ARID2: variants seen among roughly 807,000 people sequenced by gnomAD.
ARID2 encodes the protein AT-rich interactive domain-containing protein 2.
In ARID2, 32 loss-of-function variants were observed where a neutral mutation model predicts 184.6. The observed-to-expected ratio is 0.17, with a 90% confidence interval of 0.13 to 0.23. The LOEUF (loss-of-function observed/expected upper bound fraction) is 0.23, where lower values mean the gene tolerates loss of function less well. ARID2 is among the 10% of genes least tolerant of loss of function. ARID2 has a pLI of 1.00. For synonymous variants in ARID2, 836 were observed against 772.6 expected (o/e 1.08, Z -1.36); for missense variants, 1,696 against 2,197.6 (o/e 0.77, Z 4.56).
intron 3 of ARID2, among the ~76,000 whole-genome samples, chr12:45,775,888 A>AACCTTTCGAAGAATGTT (rs1294584321): frequency 6.6e-6 from 1 of 152,238 alleles, no homozygotes; most frequent in East Asian, 1.9e-4. Flanking sequence ...TGGTAAACTT[A>AACCTTTCGAAGAATGTT]ACCTTTCGAA....
At chr12:45,854,651 A>G (rs1164803169) in intron 15 of ARID2, among the ~76,000 whole-genome samples, 6 of 152,306 alleles carry the variant, frequency 3.9e-5, no homozygotes, top group Non-Finnish European at 5.9e-5. Context: ...ACAATCCTAA[A>G]TAGTTATAAC....
chr12:45,804,804 G>T (rs1227558867), intron 3 of ARID2, among the ~76,000 whole-genome samples: 1 of 151,880 alleles, frequency 6.6e-6, no homozygotes, highest in African/African-American at 2.4e-5. Context: ...CTGTAGAATG[G>T]CAGACTTTAG....
At chr12:45,767,918 G>A (rs1307528756) in intron 3 of ARID2, among the ~76,000 whole-genome samples, 1 of 152,202 alleles carries the variant, frequency 6.6e-6, no homozygotes, top group Non-Finnish European at 1.5e-5. Flanking sequence ...GACAGCATGA[G>A]TCTTTCTGTA....
At chr12:45,821,996 A>G (rs540448559) in intron 6 of ARID2, among the ~76,000 whole-genome samples, 3 of 152,316 alleles carry the variant, frequency 2.0e-5, no homozygotes, top group Non-Finnish European at 4.4e-5. Flanking sequence ...CTCACTTAAC[A>G]CTTGTCTAAC....
Position 45,860,904 on chromosome 12 carries a change from G to A in ARID2, c.4877G>A (p.Arg1626Lys), listed in dbSNP as rs770531021. 6.2e-6 allele frequency: 10 copies of A among 1,601,970 alleles called. No individual in the cohort carries two copies. The Admixed American group carries it at 1.2e-4, about 19-fold the overall frequency. The change falls in exon 16 of 21, where the codon AGA becomes AAA. Residue 1626 changes from arginine to lysine, a missense_variant. By Grantham distance (26) the Arg-to-Lys change is conservative. Around this residue, in one of 11 missense-constraint regions of ARID2, gnomAD observed 111 missense variants for 154.0 expected, o/e 0.72. Coordinates refer to ENST00000334344, the MANE Select transcript of ARID2 (RefSeq NM_152641.4). ...TCCAGTCAGCCTGGAGATCCAATGA[G>A]AAAACCTGGACAGAACTTCATGTGT... is the stretch of plus-strand genomic sequence containing the variant. ...SGSSQPGDPM[R>K]KPGQNFMCLW...
At chr12:45,822,078 T>G (rs951482323) in intron 6 of ARID2, among the ~76,000 whole-genome samples, 2 of 152,232 alleles carry the variant, frequency 1.3e-5, no homozygotes, top group Non-Finnish European at 2.9e-5. Flanking sequence ...ATAGTATTAC[T>G]ATTAATAGAA....
intron 16 of ARID2, among the ~76,000 whole-genome samples, chr12:45,862,321 A>T (rs1366016397): frequency 6.6e-6 from 1 of 152,232 alleles, no homozygotes; most frequent in Non-Finnish European, 1.5e-5. Flanking sequence ...ATTCTTTAAA[A>T]ATCAGTCCTT....
At chr12:45,860,497 C>T (rs145248356) in intron 15 of ARID2, among the ~76,000 whole-genome samples, 1 of 151,872 alleles carries the variant, frequency 6.6e-6, no homozygotes, top group East Asian at 1.9e-4. Flanking sequence ...ATTTATTTCT[C>T]ATTTAAATCT....
chr12:45,843,730 T>TA (rs1331178297), intron 11 of ARID2, among the ~76,000 whole-genome samples: 1 of 152,228 alleles, frequency 6.6e-6, no homozygotes, highest in African/African-American at 2.4e-5. Context: ...AGGTGCTTTT[T>TA]ATCATATACT....
chr12:45,885,877 A>G (rs759973675), intron 16 of ARID2, among the ~76,000 whole-genome samples: 6 of 152,180 alleles, frequency 3.9e-5, no homozygotes, highest in Non-Finnish European at 5.9e-5. Context: ...GGTCCCTCCT[A>G]TGACAAGTAA....
chr12:45,749,631 G>C lies in ARID2; in HGVS notation c.284+18317G>C, dbSNP rs545494990. Among the ~76,000 whole-genome samples, 9 of 152,302 alleles carry C rather than the reference G, an allele frequency of 5.9e-5. No individual in the cohort carries two copies. In the South Asian group the frequency reaches 1.9e-3, roughly 32 times the overall value. ...AATAGAAGGCTTTTTCATCTATGTTGAAAATCTGTTGTTTAGTGTAGCCAG... is the reference window on the plus strand; with the variant it reads ...AATAGAAGGCTTTTTCATCTATGTTCAAAATCTGTTGTTTAGTGTAGCCAG... On this transcript the variant is annotated intron_variant, in intron 3 of 20. Transcript: ENST00000334344.
intron 14 of ARID2, 76 bp downstream of exon 14, chr12:45,849,852 A>T: frequency 6.9e-7 from 1 of 1,452,200 alleles, no homozygotes; most frequent in Middle Eastern, 2.4e-4. Context: ...TATTCTATGC[A>T]TTTTAAATGT....
chr12:45,899,657 ATATATATATATGGT>A (rs1944423362), intron 20 of ARID2, among the ~76,000 whole-genome samples: 1 of 97,490 alleles, frequency 1.0e-5, no homozygotes, highest in Admixed American at 1.3e-4. Flanking sequence ...ATTTGGTTAT[ATATATATATATGGT>A]TATATATGGT....
intron 3 of ARID2, 130 bp downstream of exon 3, chr12:45,731,444 C>A: frequency 1.6e-6 from 1 of 628,888 alleles, no homozygotes; most frequent in Non-Finnish European, 2.8e-6. Flanking sequence ...CAGACTGAGA[C>A]ACATTTAATA....
At position 45,786,989 on chromosome 12, in the gene ARID2, A is replaced by C. The variant is rs12300200; in HGVS notation, c.285-24429A>C. Among the ~76,000 whole-genome samples the C allele has an allele frequency of 1.3e-3, 198 of 152,290 alleles. 2 individuals are homozygous for C. Among genetic ancestry groups the C allele is most frequent in the African/African-American group, 4.6e-3 (193 of 41,562 alleles). On this transcript the variant is annotated intron_variant, in intron 3 of 20. Coordinates refer to ENST00000334344, the MANE Select transcript of ARID2 (RefSeq NM_152641.4). ...GATTTCCAGAGGCTGGAAGTTGTGGAGATGGGGGAGATGTCGGTCAAAGGT... is the reference window on the plus strand; with the variant it reads ...GATTTCCAGAGGCTGGAAGTTGTGGCGATGGGGGAGATGTCGGTCAAAGGT...
intron 6 of ARID2, among the ~76,000 whole-genome samples, chr12:45,825,285 G>A (rs1942974990): frequency 6.6e-6 from 1 of 152,018 alleles, no homozygotes; most frequent in East Asian, 1.9e-4. Flanking sequence ...ATGAGGTGAT[G>A]CATATCCCAA....
intron 3 of ARID2, among the ~76,000 whole-genome samples, chr12:45,745,726 G>A (rs1419970565): frequency 2.6e-5 from 4 of 151,906 alleles, no homozygotes; most frequent in Admixed American, 1.3e-4. Flanking sequence ...TTTTTTGTAC[G>A]TTTAGTAGAG....
intron 3 of ARID2, among the ~76,000 whole-genome samples, chr12:45,764,394 A>G (rs1941734058): frequency 6.6e-6 from 1 of 152,154 alleles, no homozygotes; most frequent in Non-Finnish European, 1.5e-5. Flanking sequence ...CACACAGTAA[A>G]ATTCACCCAT....
intron 3 of ARID2, among the ~76,000 whole-genome samples, chr12:45,798,083 G>A (rs1427527755): frequency 6.6e-6 from 1 of 152,014 alleles, no homozygotes; most frequent in African/African-American, 2.4e-5. Context: ...CATATACACA[G>A]TTGCTCTGTA....
Sources: allele counts gnomAD v4.1 joint callset (sites outside exome capture counted in the v4.1 genomes callset), GRCh38; gene constraint gnomAD v4.1.1; regional missense constraint gnomAD v4.1.1; transcripts MANE v1.5; gene names NCBI Gene and HGNC (gene_info 2026-07-23, HGNC 2026-07-21).